The following SGCD variants were observed in gnomAD, a reference collection of about 807,000 sequenced individuals.
SGCD encodes delta-sarcoglycan.
SGCD carries 18 observed loss-of-function variants against 36.6 expected under a neutral mutation model. The observed-to-expected ratio is 0.49, with a 90% CI of 0.34 to 0.73. SGCD has a LOEUF of 0.73. SGCD is among the 30% of genes least tolerant of loss of function. The pLI, the probability that SGCD is intolerant of heterozygous loss-of-function variation, is 0.01. For missense variants in SGCD, 387 were observed against 346.7 expected (o/e 1.12, Z -0.92); for synonymous variants, 133 against 130.6 (o/e 1.02, Z -0.12).
At chr5:155,995,342 CAT>C (rs1758519452) in intron 1 of SGCD, among the ~76,000 whole-genome samples, 1 of 151,992 alleles carries the variant, frequency 6.6e-6, no homozygotes, top group South Asian at 2.1e-4. Context: ...AGATTTATAA[CAT>C]GTAGATATAA....
At chr5:156,220,046 A>T (rs889324591) in intron 3 of SGCD, among the ~76,000 whole-genome samples, 1 of 152,090 alleles carries the variant, frequency 6.6e-6, no homozygotes, top group African/African-American at 2.4e-5. Flanking sequence ...GGCAGGATAT[A>T]AGACAAAATA....
chr5:156,592,519 A>G (rs1760764839), intron 5 of SGCD, among the ~76,000 whole-genome samples: 2 of 151,878 alleles, frequency 1.3e-5, no homozygotes, highest in South Asian at 4.2e-4. Context: ...CCAGTTTTCT[A>G]TTTCTCCTTC....
intron 3 of SGCD, among the ~76,000 whole-genome samples, chr5:156,144,409 G>A (rs549644693): frequency 2.8e-4 from 43 of 152,264 alleles, no homozygotes; most frequent in Middle Eastern, 6.8e-3. Flanking sequence ...GTTGTTTCCT[G>A]ACTTCTTAAT....
At chr5:156,110,404 A>G (rs1761754168) in intron 1 of SGCD, among the ~76,000 whole-genome samples, 1 of 152,014 alleles carries the variant, frequency 6.6e-6, no homozygotes, top group Non-Finnish European at 1.5e-5. Context: ...ACTTTAACTT[A>G]TTTGTATTGG....
intron 7 of SGCD, among the ~76,000 whole-genome samples, chr5:156,752,177 G>C (rs1757168878): frequency 6.6e-6 from 1 of 152,128 alleles, no homozygotes; most frequent in Non-Finnish European, 1.5e-5. Context: ...TTATAAAGTG[G>C]AATTATTCTG....
chr5:156,564,073 T>C (rs1436280706), intron 4 of SGCD, among the ~76,000 whole-genome samples: 4 of 152,250 alleles, frequency 2.6e-5, no homozygotes, highest in Admixed American at 1.3e-4. Flanking sequence ...AATTTACTTA[T>C]TGGAAAAAAA....
chr5:156,631,743 G>A (rs1762643078), intron 6 of SGCD, among the ~76,000 whole-genome samples: 2 of 152,030 alleles, frequency 1.3e-5, no homozygotes, highest in South Asian at 4.2e-4. Context: ...AAATTGACTA[G>A]CTTCTGCTAT....
intron 1 of SGCD, among the ~76,000 whole-genome samples, chr5:156,014,702 T>A (rs1758928978): frequency 6.6e-6 from 1 of 152,178 alleles, no homozygotes; most frequent in Admixed American, 6.5e-5. Flanking sequence ...TTTGTCACAT[T>A]TTTTCCTTGT....
intron 7 of SGCD, among the ~76,000 whole-genome samples, chr5:156,691,211 A>AAAAAAAAT (rs1754096741): frequency 6.7e-6 from 1 of 150,252 alleles, no homozygotes; most frequent in Non-Finnish European, 1.5e-5. Flanking sequence ...TGTCTCAAAA[A>AAAAAAAAT]AAAAAAAAAA....
intron 3 of SGCD, among the ~76,000 whole-genome samples, chr5:156,411,803 T>C (rs2055610): frequency 0.76 from 116,063 of 152,140 alleles, 44,993 homozygotes; most frequent in Middle Eastern, 0.91. Context: ...GTAAATAACT[T>C]CTCAGCCACA....
At chr5:155,794,832 T>A in the SGCD span, among the ~76,000 whole-genome samples, 2 of 151,808 alleles carry the variant, frequency 1.3e-5, no homozygotes, top group Admixed American at 6.6e-5. Flanking sequence ...GCTCTGTGAA[T>A]CACAAGTAGA....
At chr5:155,799,587 G>A in the SGCD span, among the ~76,000 whole-genome samples, 1 of 151,592 alleles carries the variant, frequency 6.6e-6, no homozygotes, top group Non-Finnish European at 1.5e-5. Flanking sequence ...GTAGAGATGG[G>A]GTTTCACAAT....
intron 3 of SGCD, among the ~76,000 whole-genome samples, chr5:156,383,263 G>A (rs1771080827): frequency 6.6e-6 from 1 of 152,100 alleles, no homozygotes; most frequent in Non-Finnish European, 1.5e-5. Flanking sequence ...CAGCACTTTG[G>A]GAGGCCGAGG....
chr5:156,128,731 G>T (rs1476699023), intron 3 of SGCD, among the ~76,000 whole-genome samples: 1 of 152,134 alleles, frequency 6.6e-6, no homozygotes, highest in Non-Finnish European at 1.5e-5. Flanking sequence ...CAGCATGTAA[G>T]ACATGCTTTG....
chr5:155,894,726 G>A (rs955054683), intron 1 of SGCD, among the ~76,000 whole-genome samples: 1 of 152,054 alleles, frequency 6.6e-6, no homozygotes, highest in Admixed American at 6.6e-5. Context: ...AGACTCTAAC[G>A]CCTGATGATT....
chr5:155,809,733 C>G, the SGCD span, among the ~76,000 whole-genome samples: 1 of 152,072 alleles, frequency 6.6e-6, no homozygotes, highest in Admixed American at 6.6e-5. Flanking sequence ...AATAAACAAA[C>G]GTTTAAATAA....
intron 1 of SGCD, among the ~76,000 whole-genome samples, chr5:155,901,841 T>A (rs1015511128): frequency 6.6e-6 from 1 of 152,180 alleles, no homozygotes; most frequent in Non-Finnish European, 1.5e-5. Flanking sequence ...ACCTTATTAC[T>A]TACCTGTAGC....
chr5:156,617,878 A>G (rs1004758057), intron 6 of SGCD, among the ~76,000 whole-genome samples: 5 of 152,150 alleles, frequency 3.3e-5, no homozygotes, highest in Admixed American at 1.3e-4. Context: ...TCTGCCTTTT[A>G]CCATGACAAG....
At chr5:155,787,761 T>C in the SGCD span, among the ~76,000 whole-genome samples, 1 of 152,204 alleles carries the variant, frequency 6.6e-6, no homozygotes, top group Non-Finnish European at 1.5e-5. Flanking sequence ...AACACCCATC[T>C]ACTGCAGCAC....
Sources: allele counts gnomAD v4.1 joint callset (sites outside exome capture counted in the v4.1 genomes callset), GRCh38; gene constraint gnomAD v4.1.1; transcripts MANE v1.5; gene names NCBI Gene and HGNC (gene_info 2026-07-23, HGNC 2026-07-21).